The following HMGB1 variants were observed in gnomAD, a reference collection of about 807,000 sequenced individuals.
HMGB1 encodes the protein high mobility group protein B1.
For missense variants in HMGB1, 79 were observed against 253.5 expected, an observed-to-expected ratio of 0.31 and a Z score of 4.67; for synonymous variants, 81 against 84.0, an observed-to-expected ratio of 0.96 and a Z score of 0.19.
chr13:30,549,671 G>A (rs1023727580), intron 1 of HMGB1, among the ~76,000 whole-genome samples: 23 of 151,494 alleles, frequency 1.5e-4, no homozygotes, highest in African/African-American at 4.1e-4. Flanking sequence ...CTGGGATTAC[G>A]GGCATGAGCC....
chr13:30,591,772 G>C (rs1387687339), intron 1 of HMGB1, among the ~76,000 whole-genome samples: 1 of 151,982 alleles, frequency 6.6e-6, no homozygotes, highest in Non-Finnish European at 1.5e-5. Flanking sequence ...ACGCATGCCT[G>C]GCCACAACAG....
intron 1 of HMGB1, among the ~76,000 whole-genome samples, chr13:30,562,296 C>CAA (rs59745521): frequency 7.9e-6 from 1 of 126,208 alleles, no homozygotes; most frequent in African/African-American, 3.1e-5. Context: ...GACTCAGTCT[C>CAA]AAAAAAAAAA....
intron 1 of HMGB1, among the ~76,000 whole-genome samples, chr13:30,473,208 C>A (rs1050382963): frequency 3.9e-5 from 6 of 152,012 alleles, no homozygotes; most frequent in Non-Finnish European, 8.8e-5. Context: ...CCGAGTTTTC[C>A]GGGGGGAAAT....
rs41460946 is a variant in HMGB1, at chr13:30,584,194, G to C, written c.-15+32477C>G. On this transcript the variant is annotated intron_variant, in intron 1 of 4. Transcript: ENST00000405805. ...ATAATCTCATGCCAACTAAGTCTCT[G>C]AACAGCTCCTTCCATTCTATTGCCA... Among the ~76,000 whole-genome samples the C allele has an allele frequency of 7.5e-3, 1,141 of 152,240 alleles. 16 individuals carry two copies. The highest frequency in any genetic ancestry group is 0.026 in the African/African-American group (1,076 of 41,550).
chr13:30,472,110 T>C (rs1196321256), intron 1 of HMGB1, among the ~76,000 whole-genome samples: 1 of 151,918 alleles, frequency 6.6e-6, no homozygotes, highest in African/African-American at 2.4e-5. Context: ...AAACCCTGTC[T>C]CTACTAAAAA....
chr13:30,515,940 G>T (rs142620896), intron 1 of HMGB1, among the ~76,000 whole-genome samples: 2 of 152,146 alleles, frequency 1.3e-5, no homozygotes, highest in African/African-American at 4.8e-5. Context: ...CTACTTCCGA[G>T]GTCCTTAGAA....
In HMGB1 at chr13:30,575,220, A is replaced by G. The variant is rs550400076; in HGVS notation, c.-15+41451T>C. On this transcript the variant is annotated intron_variant, in intron 1 of 4. Transcript: ENST00000405805. Reference sequence around the variant, plus strand: ...GAAAGCAATTAACATACAAACCATGATGGTGGTTAAACTTGCTTCAGTTTG... The same window carrying G: ...GAAAGCAATTAACATACAAACCATGGTGGTGGTTAAACTTGCTTCAGTTTG... Among the ~76,000 whole-genome samples the G allele has an allele frequency of 2.6e-5, 4 of 152,354 alleles. No individual in the cohort carries two copies. The East Asian group carries it at 7.7e-4, about 29-fold the overall frequency.
At chr13:30,535,844 T>C (rs968316653) in intron 1 of HMGB1, among the ~76,000 whole-genome samples, 3 of 152,324 alleles carry the variant, frequency 2.0e-5, no homozygotes, top group South Asian at 2.1e-4. Flanking sequence ...GAGTTGAGAT[T>C]GTGCCACTGC....
In HMGB1 at chr13:30,588,832, G is replaced by A. The variant is rs191228712; in HGVS notation, c.-15+27839C>T. On this transcript the variant is annotated intron_variant, in intron 1 of 4. Coordinates refer to the HMGB1 transcript ENST00000405805. The stretch of plus-strand genomic sequence containing the variant: ...TTTGGGAGGCTGAGGCAGGAGACTC[G>A]CTTGAATCTGGGAGGCGGAGGTTGC... Among the ~76,000 whole-genome samples, 538 of 151,902 alleles carry A rather than the reference G, an allele frequency of 3.5e-3. 1 individual carries two copies. The highest frequency in any genetic ancestry group is 0.011 in the African/African-American group (460 of 41,418).
chr13:30,561,458 T>C (rs1183173868), intron 1 of HMGB1, among the ~76,000 whole-genome samples: 1 of 151,466 alleles, frequency 6.6e-6, no homozygotes, highest in Non-Finnish European at 1.5e-5. Flanking sequence ...ATGAGAGAGG[T>C]AGGATGGTGG....
chr13:30,467,490 C>T (rs1276087913), upstream of HMGB1, among the ~76,000 whole-genome samples: 1 of 151,930 alleles, frequency 6.6e-6, no homozygotes, highest in Non-Finnish European at 1.5e-5. Context: ...GGTGAATGGA[C>T]AATATATCAC....
intron 1 of HMGB1, among the ~76,000 whole-genome samples, chr13:30,553,062 T>C (rs760947156): frequency 6.6e-6 from 1 of 152,134 alleles, no homozygotes; most frequent in African/African-American, 2.4e-5. Flanking sequence ...CAGGAGCTCA[T>C]AGAAAAAATG....
intron 1 of HMGB1, among the ~76,000 whole-genome samples, chr13:30,558,987 C>T (rs749660280): frequency 8.5e-5 from 13 of 152,166 alleles, no homozygotes; most frequent in Admixed American, 3.9e-4. Flanking sequence ...AACCCTGGCT[C>T]GTGACTCACA....
rs1026135913 is a variant in HMGB1, at chr13:30,574,188, G to A, written c.-15+42483C>T. Reference sequence around the variant, plus strand: ...ATGAAATCCTGACAAACACTCCTACGTCCAACTGGAATTAATTTCTCTTCT... The same window carrying A: ...ATGAAATCCTGACAAACACTCCTACATCCAACTGGAATTAATTTCTCTTCT... On this transcript the variant is annotated intron_variant, in intron 1 of 4. Transcript: ENST00000405805. 5.9e-5 allele frequency among the ~76,000 whole-genome samples: 9 copies of A among 152,248 alleles called. No individual in the cohort carries two copies. In the South Asian group the frequency reaches 1.0e-3, roughly 18 times the overall value.
chr13:30,545,429 CATAGT>C (rs1291588924), intron 1 of HMGB1, among the ~76,000 whole-genome samples: 1 of 151,036 alleles, frequency 6.6e-6, no homozygotes, highest in African/African-American at 2.4e-5. Flanking sequence ...AATCTGGCAG[CATAGT>C]TTTGTCAGAA....
intron 1 of HMGB1, among the ~76,000 whole-genome samples, chr13:30,555,036 T>TTG (rs1555240546): frequency 2.4e-5 from 3 of 127,568 alleles, no homozygotes; most frequent in South Asian, 5.6e-4. Context: ...TCGTTGTGTT[T>TTG]TTTTTTTTTT....
At chr13:30,581,204 T>C (rs1870887726) in intron 1 of HMGB1, among the ~76,000 whole-genome samples, 1 of 152,180 alleles carries the variant, frequency 6.6e-6, no homozygotes, top group African/African-American at 2.4e-5. Context: ...AGAAAGTGAT[T>C]CTTATAACTT....
intron 1 of HMGB1, among the ~76,000 whole-genome samples, chr13:30,589,907 G>A (rs1189162714): frequency 6.6e-6 from 1 of 151,888 alleles, no homozygotes; most frequent in Admixed American, 6.6e-5. Flanking sequence ...CTAGAACCCT[G>A]AAATTGGGAA....
chr13:30,516,602 C>T (rs961772449), intron 1 of HMGB1, among the ~76,000 whole-genome samples: 20 of 151,886 alleles, frequency 1.3e-4, no homozygotes, highest in East Asian at 3.9e-4. Context: ...TATTTTTAGT[C>T]GATGTTAAGG....
Sources: allele counts gnomAD v4.1 joint callset (sites outside exome capture counted in the v4.1 genomes callset), GRCh38; gene constraint gnomAD v4.1.1; transcripts MANE v1.5; gene names NCBI Gene and HGNC (gene_info 2026-07-23, HGNC 2026-07-21).